ALDH6A1: variants seen among roughly 807,000 people sequenced by gnomAD.
ALDH6A1 encodes the protein methylmalonate-semialdehyde/malonate-semialdehyde dehydrogenase [acylating], mitochondrial.
Under a neutral mutation model 62.6 loss-of-function variants are expected in ALDH6A1, and 43 were observed. That is an observed-to-expected ratio of 0.69 (90% CI 0.54 to 0.89). The LOEUF (loss-of-function observed/expected upper bound fraction) is 0.89. ALDH6A1 is among the 40% of genes least tolerant of loss of function. ALDH6A1 has a pLI of 0.00. For synonymous variants in ALDH6A1, 194 were observed against 234.2 expected (o/e 0.83, Z 1.57); for missense variants, 551 against 661.3 (o/e 0.83, Z 1.83).
chr14:74,059,359 T>C lies in ALDH6A1; in HGVS notation c.*1283A>G. ...TTTTCATGGTTGGAACAATCCTTGATTTCTGGGCCTAAAATAACTTTTGAA... is the reference window on the plus strand; with the variant it reads ...TTTTCATGGTTGGAACAATCCTTGACTTCTGGGCCTAAAATAACTTTTGAA... On this transcript the variant is annotated 3_prime_UTR_variant, in exon 12 of 12. Transcript: ENST00000553458. The C allele has an allele frequency of 2.2e-6, 1 of 456,500 alleles. No individual in the cohort carries two copies. Among genetic ancestry groups the C allele is most frequent in the Non-Finnish European group, 4.4e-6 (1 of 226,898 alleles). The allele number at this position is 456,500 out of a possible 1,614,324, so 28.3% of individuals were successfully genotyped here. A position where few individuals can be genotyped will look rare whatever the true frequency, so the allele number is the denominator to read the frequency against.
At position 74,059,566 on chromosome 14, in the gene ALDH6A1, A is replaced by AGG; in HGVS notation, c.*1075_*1076insCC. On this transcript the variant is annotated 3_prime_UTR_variant, in exon 12 of 12. Transcript: ENST00000553458. Reference sequence around the variant, plus strand: ...CAAAATTAGCTGGGTGTGGTGGCGCATGCCTGTAATCCCAGCTACTAGGGG... The same window carrying AGG: ...CAAAATTAGCTGGGTGTGGTGGCGCAGGTGCCTGTAATCCCAGCTACTAGGGG... 9.7e-6 allele frequency: 3 copies of AGG among 310,260 alleles called. No individual in the cohort carries two copies. Among genetic ancestry groups the AGG allele is most frequent in the Non-Finnish European group, 1.3e-5 (2 of 158,134 alleles). 19.2% of individuals were successfully genotyped at this position (310,260 alleles called of 1,614,324 possible).
Position 74,065,241 on chromosome 14 carries a change from G to A in ALDH6A1, c.1344C>T (p.Ala448=). Residue 448 remains alanine, a synonymous_variant, in exon 10 of 12, where the codon GCC becomes GCT. Coordinates refer to ENST00000553458, the MANE Select transcript of ALDH6A1 (RefSeq NM_005589.4). ...VNNNPYGNGT[A]IFTTNGATAR... is the part of the protein sequence containing the mutation. The stretch of plus-strand genomic sequence containing the variant: ...CAGTGGCTCCATTGGTGGTGAAGAT[G>A]GCAGTTCCATTTCCATATGGGTTGT... 1.2e-6 allele frequency: 2 copies of A among 1,614,084 alleles called. No individual in the cohort carries two copies. Among genetic ancestry groups the A allele is most frequent in the Non-Finnish European group, 1.7e-6 (2 of 1,180,010 alleles).
intron 5 of ALDH6A1, 151 bp downstream of exon 5, chr14:74,071,745 C>T (rs2060552137): frequency 1.4e-6 from 2 of 1,439,566 alleles, no homozygotes; most frequent in African/African-American, 2.8e-5. Context: ...CTTAGGGATA[C>T]TGAATACTGC....
In ALDH6A1 at chr14:74,059,461, C is replaced by A; in HGVS notation, c.*1181G>T. ...CTGTAATCCCAGCACTTTGGGAGGC[C>A]GAGGCAGGCGGATCACCTGAGGTCA... On this transcript the variant is annotated 3_prime_UTR_variant, in exon 12 of 12. Transcript: ENST00000553458. 2 of 443,434 alleles carry A rather than the reference C, an allele frequency of 4.5e-6. No homozygotes were observed. The highest frequency in any genetic ancestry group is 2.4e-5 in the Admixed American group (1 of 41,214). The allele number at this position is 443,434 out of a possible 1,614,324, so 27.5% of individuals were successfully genotyped here. A position where few individuals can be genotyped will look rare whatever the true frequency, so the allele number is the denominator to read the frequency against.
rs767569064 is a variant in ALDH6A1, at chr14:74,075,017, C to G, written c.49G>C (p.Val17Leu). The change falls in exon 2 of 12, where the codon GTT becomes CTT. Residue 17 changes from valine (V) to leucine (L), a missense_variant and splice_region_variant. Coordinates refer to ENST00000553458, the MANE Select transcript of ALDH6A1 (RefSeq NM_005589.4). ...AAAVRARILQ[V>L]SSKVKSSPTW... ...GGACTGGATTTCACCTTGGAAGAAA[C>G]CTGTGAGGCAAAAGAACGATTATTT... The G allele has an allele frequency of 9.9e-6, 16 of 1,613,700 alleles. No homozygotes were observed. Among genetic ancestry groups the G allele is most frequent in the Non-Finnish European group, 1.3e-5 (15 of 1,179,808 alleles).
In ALDH6A1 at chr14:74,072,345, C is replaced by A. The variant is rs1228238003; in HGVS notation, c.206G>T (p.Gly69Val). 6.2e-7 allele frequency: 1 copy of A among 1,614,170 alleles called. No homozygotes were observed. Among genetic ancestry groups the A allele is most frequent in the Non-Finnish European group, 8.5e-7 (1 of 1,180,032 alleles). Residue 69 changes from glycine to valine, a missense_variant, in exon 4 of 12, where the codon GGT becomes GTT. By Grantham distance (109) the Gly-to-Val change is moderately radical (BLOSUM62 -3). Transcript: ENST00000553458. Reference protein sequence around the residue: ...IHNPATNEVIGRVPQATKAEM... With the variant: ...IHNPATNEVIVRVPQATKAEM... ...TGCCTTGGTGGCCTGAGGGACCCGA[C>A]CAATGACCTCATTGGTGGCCTGATG...
At position 74,066,714 on chromosome 14, in the gene ALDH6A1, C is replaced by T. The variant is rs780872973; in HGVS notation, c.1215G>A (p.Ser405=). 5 of 1,613,968 alleles carry T rather than the reference C, an allele frequency of 3.1e-6. No homozygotes were observed. The South Asian group carries it at 3.3e-5, about 11-fold the overall frequency. ...AGTGAAAGTTGTTCACCTTGACATT[C>T]GAGATGATGGTTGGTCCAACAAAGT... ...NGNFVGPTII[S]NVKPNMTCYK... The change falls in exon 9 of 12, where the codon TCG becomes TCA. Residue 405 remains serine (S), a synonymous_variant. Transcript: ENST00000553458.
intron 8 of ALDH6A1, 124 bp downstream of exon 8, chr14:74,067,256 G>T: frequency 8.7e-7 from 1 of 1,145,008 alleles, no homozygotes; most frequent in South Asian, 1.2e-5. Context: ...GACAAGTACA[G>T]TATAAAGAGA....
rs2060299769 is a variant in ALDH6A1, at chr14:74,059,733, A to G, written c.*909T>C. 5.7e-6 allele frequency: 1 copy of G among 174,436 alleles called. No homozygotes were observed. The highest frequency in any genetic ancestry group is 6.0e-5 in the Admixed American group (1 of 16,706). 10.8% of individuals were successfully genotyped at this position (174,436 alleles called of 1,614,324 possible). ...AAAGAAAATTATTTGCATCTGAATTAATGGCTGAAGTATTAATTAATGATT... is the reference window on the plus strand; with the variant it reads ...AAAGAAAATTATTTGCATCTGAATTGATGGCTGAAGTATTAATTAATGATT... On this transcript the variant is annotated 3_prime_UTR_variant, in exon 12 of 12. Coordinates refer to ENST00000553458, the MANE Select transcript of ALDH6A1 (RefSeq NM_005589.4).
intron 1 of ALDH6A1, among the ~76,000 whole-genome samples, chr14:74,079,897 G>A (rs2060654447): frequency 1.3e-5 from 2 of 152,048 alleles, no homozygotes; most frequent in Non-Finnish European, 2.9e-5. Context: ...AATTAGTTGG[G>A]CATGGTCATG....
chr14:74,083,957 A>C (rs1292051573), intron 1 of ALDH6A1, among the ~76,000 whole-genome samples: 1 of 152,176 alleles, frequency 6.6e-6, no homozygotes, highest in African/African-American at 2.4e-5. Context: ...CAGGGGACAG[A>C]GTAACCAAAA....
At position 74,072,275 on chromosome 14, in the gene ALDH6A1, T is replaced by G. The variant is rs1224161150; in HGVS notation, c.276A>C (p.Ala92=). Residue 92 remains alanine, a synonymous_variant, in exon 4 of 12, where the codon GCA becomes GCC. Coordinates refer to ENST00000553458, the MANE Select transcript of ALDH6A1 (RefSeq NM_005589.4). ...GGCTTAATACTGAAGTGTCTGCCCA[T>G]GCAGGAAAAGCACGTTTGCAGGAAG... is the stretch of plus-strand genomic sequence containing the variant. ...AIASCKRAFP[A]WADTSVLSRQ... 1 of 1,614,238 alleles carries G rather than the reference T, an allele frequency of 6.2e-7. No individual in the cohort carries two copies. The highest frequency in any genetic ancestry group is 1.3e-5 in the African/African-American group (1 of 75,070).
chr14:74,082,390 G>A (rs1244357743), intron 1 of ALDH6A1, among the ~76,000 whole-genome samples: 1 of 138,246 alleles, frequency 7.2e-6, no homozygotes, highest in Admixed American at 7.6e-5. Context: ...TGCCAAAATC[G>A]AGGTTTTTTT....
At chr14:74,071,568 C>G (rs1408123159) in intron 5 of ALDH6A1, 71 bp from the exon 6 acceptor site, 1 of 1,610,346 alleles carries the variant, frequency 6.2e-7, no homozygotes, top group Admixed American at 1.7e-5. Context: ...TTCTCTTCAG[C>G]CCTGAGGACA....
Position 74,072,307 on chromosome 14 carries a change from C to G in ALDH6A1, c.244G>C (p.Ala82Pro), listed in dbSNP as rs1185225473. 2 of 1,614,206 alleles carry G rather than the reference C, an allele frequency of 1.2e-6. No individual in the cohort carries two copies. The highest frequency in any genetic ancestry group is 3.3e-4 in the Middle Eastern group (2 of 6,058). The part of the protein sequence containing the change: ...PQATKAEMDA[A>P]IASCKRAFPA... ...AAAGCACGTTTGCAGGAAGCAATGGCTGCATCCATTTCTGCCTTGGTGGCC... is the reference window on the plus strand; with the variant it reads ...AAAGCACGTTTGCAGGAAGCAATGGGTGCATCCATTTCTGCCTTGGTGGCC... Residue 82 changes from alanine (A) to proline (P), a missense_variant, in exon 4 of 12, where the codon GCC (alanine) becomes CCC (proline). Physicochemically the swap from Ala to Pro is conservative, Grantham distance 27 (BLOSUM62 -1). Coordinates refer to ENST00000553458, the MANE Select transcript of ALDH6A1 (RefSeq NM_005589.4).
At chr14:74,066,279 C>T (rs780602084) in intron 9 of ALDH6A1, among the ~76,000 whole-genome samples, 53 of 152,000 alleles carry the variant, frequency 3.5e-4, no homozygotes, top group Non-Finnish European at 6.5e-4. Flanking sequence ...TTTTGTACAG[C>T]CCCAAGTTAA....
Position 74,056,854 on chromosome 14 carries a change from A to C in ALDH6A1, c.*3788T>G. 8.2e-7 allele frequency: 1 copy of C among 1,213,740 alleles called. No individual in the cohort carries two copies. The highest frequency in any genetic ancestry group is 2.3e-5 in the East Asian group (1 of 42,780). The allele number at this position is 1,213,740 out of a possible 1,614,324, so 75.2% of individuals were successfully genotyped here. On this transcript the variant is annotated 3_prime_UTR_variant, in exon 12 of 12. Transcript: ENST00000553458. ...AAATACAAAAAGAAAATATGAAGGC[A>C]TGAGGAGACACTGCCTCATTCATTA...
chr14:74,080,904 T>C (rs12100627), intron 1 of ALDH6A1, among the ~76,000 whole-genome samples: 1,577 of 152,336 alleles, frequency 0.01, 32 homozygotes, highest in African/African-American at 0.036. Flanking sequence ...AAACGCTACA[T>C]AGTATCTTTG....
chr14:74,070,188 A>G (rs1425941060), intron 6 of ALDH6A1, among the ~76,000 whole-genome samples: 1 of 152,092 alleles, frequency 6.6e-6, no homozygotes, highest in Non-Finnish European at 1.5e-5. Context: ...CCAAAATAAC[A>G]GCCTTTGAAT....
Sources: gnomAD v4.1 joint callset for allele counts (sites outside exome capture counted in the v4.1 genomes callset) on GRCh38, gnomAD v4.1.1 for gene constraint, MANE v1.5 for transcripts, NCBI Gene and HGNC (gene_info 2026-07-23, HGNC 2026-07-21) for gene names.